Variants in OSBPL8 observed in about 807,000 individuals in gnomAD.
The protein encoded by OSBPL8 is oxysterol-binding protein-related protein 8.
A neutral mutation model predicts 125.5 loss-of-function variants in OSBPL8; 59 were observed. The ratio of observed to expected loss-of-function variants is 0.47; its 90% CI spans 0.38 to 0.58. The LOEUF is 0.58. Ranked by LOEUF, OSBPL8 falls within the 20% of genes least tolerant of loss-of-function variation. The pLI is 0.00. For synonymous variants in OSBPL8, 330 were observed against 338.9 expected, an observed-to-expected ratio of 0.97 and a Z score of 0.29; for missense variants, 758 against 1,047.8, an observed-to-expected ratio of 0.72 and a Z score of 3.82.
chr12:76,361,577 T>A (rs1280450966), intron 21 of OSBPL8, among the ~76,000 whole-genome samples: 1 of 152,198 alleles, frequency 6.6e-6, no homozygotes, highest in Non-Finnish European at 1.5e-5. Context: ...ATATTTACGC[T>A]GCTGATAAAG....
At chr12:76,384,589 T>C (rs1301699096) in intron 14 of OSBPL8, among the ~76,000 whole-genome samples, 1 of 152,080 alleles carries the variant, frequency 6.6e-6, no homozygotes. Context: ...TGTACTGAAG[T>C]TGGTTTGTGT....
intron 21 of OSBPL8, among the ~76,000 whole-genome samples, chr12:76,367,747 G>A (rs1248954422): frequency 6.6e-6 from 1 of 151,750 alleles, no homozygotes; most frequent in Non-Finnish European, 1.5e-5. Flanking sequence ...GTTACTATGG[G>A]GATGACATTT....
At chr12:76,546,115 T>C (rs1241423818) in intron 1 of OSBPL8, among the ~76,000 whole-genome samples, 1 of 152,138 alleles carries the variant, frequency 6.6e-6, no homozygotes, top group African/African-American at 2.4e-5. Flanking sequence ...GGATTTTGTG[T>C]TACGTTGGGG....
At chr12:76,446,478 T>C (rs1352613315) in intron 4 of OSBPL8, among the ~76,000 whole-genome samples, 5 of 152,124 alleles carry the variant, frequency 3.3e-5, no homozygotes, top group Non-Finnish European at 5.9e-5. Flanking sequence ...ATTAATTTAT[T>C]CATAAACTTA....
At chr12:76,444,779 G>A (rs1872568163) in intron 4 of OSBPL8, among the ~76,000 whole-genome samples, 1 of 152,136 alleles carries the variant, frequency 6.6e-6, no homozygotes, top group African/African-American at 2.4e-5. Context: ...CTGAAAGAGT[G>A]GAGTGAAATC....
At chr12:76,370,270 A>G (rs986081594) in intron 19 of OSBPL8, among the ~76,000 whole-genome samples, 2 of 152,204 alleles carry the variant, frequency 1.3e-5, no homozygotes, top group Non-Finnish European at 2.9e-5. Flanking sequence ...GAGAATTTTT[A>G]TAATCAGAAT....
intron 1 of OSBPL8, among the ~76,000 whole-genome samples, chr12:76,551,603 G>A (rs1950939756): frequency 6.6e-6 from 1 of 152,198 alleles, no homozygotes; most frequent in South Asian, 2.1e-4. Flanking sequence ...GGCATCTGGA[G>A]TATTATGATT....
At chr12:76,415,122 C>A (rs1448390733) in intron 4 of OSBPL8, among the ~76,000 whole-genome samples, 4 of 152,196 alleles carry the variant, frequency 2.6e-5, no homozygotes, top group African/African-American at 4.8e-5. Flanking sequence ...TCACTCTCCA[C>A]TTCCATCCTC....
At chr12:76,515,878 G>T (rs763047800) in intron 1 of OSBPL8, among the ~76,000 whole-genome samples, 1 of 151,960 alleles carries the variant, frequency 6.6e-6, no homozygotes, top group Non-Finnish European at 1.5e-5. Context: ...GCTGCTTCTA[G>T]TCAGCCATCT....
At chr12:76,559,108 G>A (rs1951194811) in intron 1 of OSBPL8, among the ~76,000 whole-genome samples, 1 of 152,152 alleles carries the variant, frequency 6.6e-6, no homozygotes, top group Non-Finnish European at 1.5e-5. Flanking sequence ...CTTCAGGAGG[G>A]ACAGACACCC....
chr12:76,361,937 A>C (rs1014587371), intron 21 of OSBPL8, among the ~76,000 whole-genome samples: 1 of 152,204 alleles, frequency 6.6e-6, no homozygotes, highest in Admixed American at 6.5e-5. Flanking sequence ...TGCTTGGAAA[A>C]ACAGAGAACC....
At chr12:76,491,798 G>A (rs1878744107) in intron 1 of OSBPL8, among the ~76,000 whole-genome samples, 1 of 152,134 alleles carries the variant, frequency 6.6e-6, no homozygotes, top group Admixed American at 6.5e-5. Context: ...TTATGTCTAT[G>A]GGATGCACAC....
At chr12:76,370,022 G>A (rs867911822) in intron 19 of OSBPL8, among the ~76,000 whole-genome samples, 200 bp from the exon 20 acceptor site, 1 of 152,082 alleles carries the variant, frequency 6.6e-6, no homozygotes, top group African/African-American at 2.4e-5. Context: ...GTTCATAAGT[G>A]GAGACTAATT....
chr12:76,415,837 C>T (rs1868583714), intron 4 of OSBPL8, among the ~76,000 whole-genome samples: 1 of 152,056 alleles, frequency 6.6e-6, no homozygotes, highest in Non-Finnish European at 1.5e-5. Flanking sequence ...ATAAATCATA[C>T]CACAGGTTTG....
At chr12:76,532,132 T>C (rs1448197004) in intron 1 of OSBPL8, among the ~76,000 whole-genome samples, 2 of 151,694 alleles carry the variant, frequency 1.3e-5, no homozygotes, top group Non-Finnish European at 2.9e-5. Context: ...ATTTTTGTTG[T>C]GGACTGTATC....
chr12:76,474,372 G>T (rs1352782302), intron 2 of OSBPL8, among the ~76,000 whole-genome samples: 1 of 152,104 alleles, frequency 6.6e-6, no homozygotes, highest in Non-Finnish European at 1.5e-5. Flanking sequence ...CAGCAATGGA[G>T]CAAGAGCAAG....
chr12:76,417,380 T>TA (rs1188299225), intron 4 of OSBPL8, among the ~76,000 whole-genome samples: 1 of 152,194 alleles, frequency 6.6e-6, no homozygotes, highest in Non-Finnish European at 1.5e-5. Context: ...AGTTTCTTTT[T>TA]AATTTGTTTT....
intron 1 of OSBPL8, among the ~76,000 whole-genome samples, chr12:76,545,779 T>C (rs778878107): frequency 1.3e-5 from 2 of 152,142 alleles, no homozygotes; most frequent in Non-Finnish European, 2.9e-5. Flanking sequence ...AAACAGGAAC[T>C]GTGAAAACCA....
intron 15 of OSBPL8, among the ~76,000 whole-genome samples, chr12:76,380,387 T>TA (rs1254803062): frequency 3.9e-5 from 6 of 152,034 alleles, no homozygotes; most frequent in Non-Finnish European, 8.8e-5. Context: ...TGGATGCTAT[T>TA]ATAATTGGAG....
Sources: gnomAD v4.1 joint callset for allele counts (sites outside exome capture counted in the v4.1 genomes callset) on GRCh38, gnomAD v4.1.1 for gene constraint, MANE v1.5 for transcripts, NCBI Gene and HGNC (gene_info 2026-07-23, HGNC 2026-07-21) for gene names.